Variants in TMEM132B observed in about 807,000 individuals in gnomAD.
The protein encoded by TMEM132B is transmembrane protein 132B.
TMEM132B carries 18 observed loss-of-function variants against 90.8 expected under a neutral mutation model. The observed-to-expected ratio is 0.20, with a 90% CI of 0.14 to 0.29. The LOEUF is 0.29. TMEM132B is among the 10% of genes least tolerant of loss of function. TMEM132B has a pLI of 1.00. For synonymous variants in TMEM132B, 504 were observed against 523.3 expected (o/e 0.96, Z 0.50); for missense variants, 1,096 against 1,326.8 (o/e 0.83, Z 2.70).
chr12:125,590,830 A>G (rs1409813368), intron 5 of TMEM132B, among the ~76,000 whole-genome samples: 1 of 152,190 alleles, frequency 6.6e-6, no homozygotes, highest in African/African-American at 2.4e-5. Flanking sequence ...GACAGGTAAT[A>G]CTACTATTCG....
intron 4 of TMEM132B, among the ~76,000 whole-genome samples, chr12:125,551,030 C>T (rs939573190): frequency 2.0e-5 from 3 of 152,238 alleles, no homozygotes; most frequent in African/African-American, 7.2e-5. Flanking sequence ...CCAGGCTGGT[C>T]TTAAACTCCT....
chr12:125,507,451 C>T (rs926289650), intron 3 of TMEM132B, among the ~76,000 whole-genome samples: 10 of 152,072 alleles, frequency 6.6e-5, no homozygotes, highest in East Asian at 3.8e-4. Flanking sequence ...TGATAGGGAT[C>T]GCTCTAGTGT....
At chr12:125,597,590 A>G (rs75654427) in intron 5 of TMEM132B, among the ~76,000 whole-genome samples, 2,243 of 152,314 alleles carry the variant, frequency 0.015, 58 homozygotes, top group African/African-American at 0.05. Flanking sequence ...ATTCAAAAAT[A>G]TTAAATTCAT....
intron 2 of TMEM132B, among the ~76,000 whole-genome samples, chr12:125,379,731 A>G (rs1267574356): frequency 6.6e-6 from 1 of 152,232 alleles, no homozygotes; most frequent in Non-Finnish European, 1.5e-5. Flanking sequence ...CCATCATGAA[A>G]GGGAGGCAGA....
chr12:125,379,546 C>T (rs761768894), intron 2 of TMEM132B, among the ~76,000 whole-genome samples: 8 of 152,212 alleles, frequency 5.3e-5, no homozygotes, highest in East Asian at 1.9e-4. Flanking sequence ...AGGATCACAG[C>T]GCTGCTAACC....
intron 2 of TMEM132B, among the ~76,000 whole-genome samples, chr12:125,357,580 GC>G (rs1877820839): frequency 1.3e-5 from 2 of 152,154 alleles, no homozygotes; most frequent in Admixed American, 1.3e-4. Context: ...ACATAAAATA[GC>G]AACAACAAAA....
chr12:125,575,078 A>ATATATATATATATATT lies in TMEM132B; in HGVS notation c.1294-8768_1294-8767insATATATATATTTATAT, dbSNP rs1311570495. Among the ~76,000 whole-genome samples the ATATATATATATATATT allele has an allele frequency of 1.5e-3, 162 of 108,958 alleles. 1 individual carries two copies. The highest frequency in any genetic ancestry group is 5.2e-3 in the African/African-American group (155 of 29,738). 71.5% of individuals were successfully genotyped at this position (108,958 alleles called of 152,430 possible). ...CTGTCATATATATATATATATATATATATATTCAGGAGTAGAATTGCTAGG... is the reference window on the plus strand; with the variant it reads ...CTGTCATATATATATATATATATATATATATATATATATATTTATATTCAGGAGTAGAATTGCTAGG... On this transcript the variant is annotated intron_variant, in intron 4 of 8. Coordinates refer to ENST00000682704, the MANE Select transcript of TMEM132B (RefSeq NM_001366854.1).
intron 4 of TMEM132B, among the ~76,000 whole-genome samples, chr12:125,576,882 G>A (rs539312962): frequency 6.0e-5 from 9 of 149,244 alleles, no homozygotes; most frequent in East Asian, 5.8e-4. Flanking sequence ...AGTATTTTGC[G>A]TGTGTGTGTG....
intron 3 of TMEM132B, among the ~76,000 whole-genome samples, chr12:125,517,327 ATTTTTTTTTTTTTTTTT>A (rs56147854): frequency 0.013 from 378 of 28,458 alleles, 6 homozygotes; most frequent in African/African-American, 0.046. Context: ...TGCCCTGCTG[ATTTTTTTTTTTTTTTTT>A]TTTTTTTTTT....
At chr12:125,501,037 C>T (rs1302935351) in intron 3 of TMEM132B, among the ~76,000 whole-genome samples, 3 of 152,056 alleles carry the variant, frequency 2.0e-5, no homozygotes, top group Non-Finnish European at 2.9e-5. Context: ...TTTGTCAGAT[C>T]GAATAAAGGG....
At chr12:125,432,532 G>T (rs71446223) in intron 3 of TMEM132B, among the ~76,000 whole-genome samples, 10,052 of 28,418 alleles carry the variant, frequency 0.35, 3,071 homozygotes, top group East Asian at 0.49. Context: ...TATATATAGA[G>T]AGAGAGAGAG....
intron 5 of TMEM132B, among the ~76,000 whole-genome samples, chr12:125,639,057 C>T (rs1285579674): frequency 6.6e-6 from 1 of 152,104 alleles, no homozygotes; most frequent in East Asian, 1.9e-4. Context: ...TTCAATGTTC[C>T]TCTTGAGGCT....
chr12:125,532,382 C>T lies in TMEM132B; in HGVS notation c.1293+12757C>T, dbSNP rs182922359. Among the ~76,000 whole-genome samples, 268 of 152,220 alleles carry T rather than the reference C, an allele frequency of 1.8e-3. 2 individuals are homozygous for T. The highest frequency in any genetic ancestry group is 6.2e-3 in the African/African-American group (256 of 41,524). On this transcript the variant is annotated intron_variant, in intron 4 of 8. Transcript: ENST00000682704. ...AAGGATGGCTGTCATGCAGCACATCCGTCAGAAAATACTGCCCTGGAATTG... is the reference window on the plus strand; with the variant it reads ...AAGGATGGCTGTCATGCAGCACATCTGTCAGAAAATACTGCCCTGGAATTG...
intron 1 of TMEM132B, among the ~76,000 whole-genome samples, chr12:125,315,059 T>C (rs1876228309): frequency 6.6e-6 from 1 of 152,240 alleles, no homozygotes; most frequent in Non-Finnish European, 1.5e-5. Context: ...GGCACCCTCC[T>C]GGGCTTGCAA....
At chr12:125,465,559 TA>T (rs1881541263) in intron 3 of TMEM132B, among the ~76,000 whole-genome samples, 1 of 152,188 alleles carries the variant, frequency 6.6e-6, no homozygotes, top group South Asian at 2.1e-4. Context: ...TGGTTTACAT[TA>T]TTGCAGGCAA....
At chr12:125,631,527 G>A (rs767699072) in intron 5 of TMEM132B, among the ~76,000 whole-genome samples, 1 of 152,088 alleles carries the variant, frequency 6.6e-6, no homozygotes, top group South Asian at 2.1e-4. Context: ...TGCAGATTAA[G>A]TCCACTGTTT....
At chr12:125,290,692 A>T (rs914763439) in intron 1 of TMEM132B, among the ~76,000 whole-genome samples, 1 of 152,194 alleles carries the variant, frequency 6.6e-6, no homozygotes, top group Non-Finnish European at 1.5e-5. Context: ...CGGAATATTC[A>T]TCTGTCCTCC....
At chr12:125,576,759 G>A (rs890569113) in intron 4 of TMEM132B, among the ~76,000 whole-genome samples, 10 of 151,798 alleles carry the variant, frequency 6.6e-5, no homozygotes, top group Admixed American at 2.0e-4. Context: ...TATAATTAAG[G>A]TATATTACAT....
At chr12:125,381,034 G>C (rs1593114223) in intron 2 of TMEM132B, among the ~76,000 whole-genome samples, 1 of 152,176 alleles carries the variant, frequency 6.6e-6, no homozygotes, top group South Asian at 2.1e-4. Flanking sequence ...AAGAGATACA[G>C]AGAGAGAAAG....
Sources: allele counts gnomAD v4.1 joint callset (sites outside exome capture counted in the v4.1 genomes callset), GRCh38; gene constraint gnomAD v4.1.1; transcripts MANE v1.5; gene names NCBI Gene and HGNC (gene_info 2026-07-23, HGNC 2026-07-21).